PAK2: variants seen among roughly 807,000 people sequenced by gnomAD.
PAK2 encodes serine/threonine-protein kinase PAK 2.
In PAK2, 21 loss-of-function variants were observed where a neutral mutation model predicts 65.9. The ratio of observed to expected loss-of-function variants is 0.32; its 90% CI spans 0.23 to 0.46. The LOEUF (loss-of-function observed/expected upper bound fraction) is 0.46. Among genes scored for constraint, PAK2 ranks in the 20% least tolerant of loss-of-function variants. The pLI is 1.00. For synonymous variants in PAK2, 204 were observed against 219.7 expected, an observed-to-expected ratio of 0.93 and a Z score of 0.63; for missense variants, 324 against 642.6, an observed-to-expected ratio of 0.50 and a Z score of 5.36.
chr3:196,795,432 A>G (rs570004873), intron 2 of PAK2, among the ~76,000 whole-genome samples: 1 of 152,294 alleles, frequency 6.6e-6, no homozygotes, highest in African/African-American at 2.4e-5. Context: ...GCACCACTGC[A>G]CTCCGGCCTG....
In PAK2 at chr3:196,760,689, T is replaced by G. The variant is rs75652790; in HGVS notation, c.-22+20532T>G. Reference sequence around the variant, plus strand: ...GTTTGAATGCATAAGGATGCATTCTTATGCTATCCAAATTATTTGTGCTTT... The same window carrying G: ...GTTTGAATGCATAAGGATGCATTCTGATGCTATCCAAATTATTTGTGCTTT... On this transcript the variant is annotated intron_variant, in intron 1 of 14. Transcript: ENST00000327134. 7.7e-3 allele frequency among the ~76,000 whole-genome samples: 1,180 copies of G among 152,338 alleles called. 7 individuals are homozygous for G. The highest frequency in any genetic ancestry group is 0.034 in the Middle Eastern group (10 of 294).
intron 2 of PAK2, among the ~76,000 whole-genome samples, chr3:196,790,500 C>A (rs960134337): frequency 6.6e-6 from 1 of 152,108 alleles, no homozygotes; most frequent in Non-Finnish European, 1.5e-5. Flanking sequence ...TGGTGAACCT[C>A]CCGTAGATGG....
intron 1 of PAK2, among the ~76,000 whole-genome samples, chr3:196,750,660 C>T (rs1291495949): frequency 2.0e-5 from 3 of 149,120 alleles, no homozygotes; most frequent in African/African-American, 7.4e-5. Context: ...TTTAAAATTG[C>T]GTGTAGTTTA....
At chr3:196,740,428 C>G (rs1417876012) in intron 1 of PAK2, among the ~76,000 whole-genome samples, 1 of 152,166 alleles carries the variant, frequency 6.6e-6, no homozygotes, top group Non-Finnish European at 1.5e-5. Context: ...CAGCCCTGCT[C>G]TGAACCTCGC....
chr3:196,759,525 T>TTG (rs1713891373), intron 1 of PAK2, among the ~76,000 whole-genome samples: 2 of 131,628 alleles, frequency 1.5e-5, no homozygotes, highest in African/African-American at 2.8e-5. Flanking sequence ...TTTTTTTTTT[T>TTG]TTTTTTTTTT....
At chr3:196,746,285 T>A (rs1320891748) in intron 1 of PAK2, among the ~76,000 whole-genome samples, 1 of 152,210 alleles carries the variant, frequency 6.6e-6, no homozygotes, top group Non-Finnish European at 1.5e-5. Flanking sequence ...TTATTCTGTT[T>A]CTGCTTTACA....
chr3:196,804,395 C>T lies in PAK2; in HGVS notation c.437-957C>T, dbSNP rs148847329. On this transcript the variant is annotated intron_variant, in intron 4 of 14. Transcript: ENST00000327134. ...ATTTTTTTGAAAAACCAATGTTTGA[C>T]CACAAAATGGTAGCTTATTTTCACC... Among the ~76,000 whole-genome samples, 439 of 152,162 alleles carry T rather than the reference C, an allele frequency of 2.9e-3. 1 individual carries two copies. Among genetic ancestry groups the T allele is most frequent in the Non-Finnish European group, 4.7e-3 (323 of 68,002 alleles).
intron 8 of PAK2, among the ~76,000 whole-genome samples, chr3:196,810,884 C>T (rs992468967): frequency 2.0e-4 from 31 of 151,838 alleles, no homozygotes; most frequent in African/African-American, 7.5e-4. Flanking sequence ...AGTGTCATTT[C>T]CCATCTGTGA....
intron 2 of PAK2, among the ~76,000 whole-genome samples, chr3:196,794,526 G>A (rs1715184402): frequency 6.6e-6 from 1 of 152,250 alleles, no homozygotes; most frequent in Non-Finnish European, 1.5e-5. Flanking sequence ...TGTCTACACA[G>A]GAAAAAGTGA....
At chr3:196,811,290 T>C (rs867696843) in intron 8 of PAK2, among the ~76,000 whole-genome samples, 167 of 12,740 alleles carry the variant, frequency 0.013, no homozygotes, top group African/African-American at 0.015. Context: ...TTCCCTCCCT[T>C]CCCTCCCTCC....
At chr3:196,798,650 A>G (rs1715331065) in intron 2 of PAK2, among the ~76,000 whole-genome samples, 1 of 152,106 alleles carries the variant, frequency 6.6e-6, no homozygotes, top group South Asian at 2.1e-4. Flanking sequence ...GGCCAATGTT[A>G]AATTCTTAGC....
Position 196,828,410 on chromosome 3 carries a change from A to G in PAK2, c.*5A>G. ...GCAATGAAGAGTAACCGTTAACATC[A>G]CTGCTGTGGCCTCATACTCTTTTTT... On this transcript the variant is annotated 3_prime_UTR_variant, in exon 15 of 15. Coordinates refer to ENST00000327134, the MANE Select transcript of PAK2 (RefSeq NM_002577.4). The G allele has an allele frequency of 6.6e-7, 1 of 1,509,832 alleles. No homozygotes were observed. 93.5% of individuals were successfully genotyped at this position (1,509,832 alleles called of 1,614,324 possible).
At chr3:196,765,761 CA>C (rs2108725263) in intron 1 of PAK2, among the ~76,000 whole-genome samples, 1 of 152,226 alleles carries the variant, frequency 6.6e-6, no homozygotes, top group East Asian at 1.9e-4. Context: ...TTTCAGTATG[CA>C]ACTTGATAAG....
At chr3:196,756,923 G>A (rs2686599) in intron 1 of PAK2, among the ~76,000 whole-genome samples, 70,891 of 152,108 alleles carry the variant, frequency 0.47, 16,977 homozygotes, top group Non-Finnish European at 0.53. Context: ...CAGCAAGGCA[G>A]TTTTACTTGC....
intron 1 of PAK2, chr3:196,747,434 A>C (rs1368904857): frequency 1.3e-5 from 2 of 152,190 alleles, no homozygotes; most frequent in African/African-American, 2.4e-5. Context: ...TCTTCTGCTC[A>C]GTATTTTCCA....
At chr3:196,801,635 C>G (rs1026467451) in intron 2 of PAK2, among the ~76,000 whole-genome samples, 6 of 151,354 alleles carry the variant, frequency 4.0e-5, no homozygotes, top group African/African-American at 1.5e-4. Context: ...GAGTTTGAGA[C>G]CAGCCTGATC....
At chr3:196,819,774 G>T (rs1711591472) in intron 12 of PAK2, among the ~76,000 whole-genome samples, 1 of 152,148 alleles carries the variant, frequency 6.6e-6, no homozygotes. Flanking sequence ...AGATAATGCT[G>T]GTGGCGACCT....
chr3:196,818,704 C>T (rs115135398), intron 12 of PAK2, among the ~76,000 whole-genome samples: 1 of 152,030 alleles, frequency 6.6e-6, no homozygotes, highest in Non-Finnish European at 1.5e-5. Context: ...TGGGGAAGCT[C>T]TCATACATTT....
At chr3:196,767,448 A>G (rs1360274339) in intron 1 of PAK2, among the ~76,000 whole-genome samples, 2 of 152,198 alleles carry the variant, frequency 1.3e-5, no homozygotes, top group African/African-American at 2.4e-5. Flanking sequence ...ATAGAAAAAA[A>G]GAAAAGGCGA....
Sources: gnomAD v4.1 joint callset for allele counts (sites outside exome capture counted in the v4.1 genomes callset) on GRCh38, gnomAD v4.1.1 for gene constraint, MANE v1.5 for transcripts, NCBI Gene and HGNC (gene_info 2026-07-23, HGNC 2026-07-21) for gene names.